The following RC3H1 variants were observed in gnomAD, a reference collection of about 807,000 sequenced individuals.
RC3H1 encodes ring finger and CCCH-type domains 1.
A neutral mutation model predicts 138.2 loss-of-function variants in RC3H1; 50 were observed. The observed-to-expected ratio is 0.36, with a 90% confidence interval of 0.29 to 0.46. The LOEUF is 0.46. Among genes scored for constraint, RC3H1 ranks in the 20% least tolerant of loss-of-function variants. RC3H1 has a pLI of 1.00. For synonymous variants in RC3H1, 462 were observed against 489.1 expected, an observed-to-expected ratio of 0.94 and a Z score of 0.73; for missense variants, 1,031 against 1,388.1, an observed-to-expected ratio of 0.74 and a Z score of 4.09.
intron 2 of RC3H1, among the ~76,000 whole-genome samples, chr1:173,990,590 T>C (rs1417194360): frequency 6.6e-6 from 1 of 150,972 alleles, no homozygotes; most frequent in Non-Finnish European, 1.5e-5. Flanking sequence ...TTTTTTTTTT[T>C]GAGACAGAGT....
At position 173,974,753 on chromosome 1, in the gene RC3H1, C is replaced by T. The variant is rs74916968; in HGVS notation, c.1103-2126G>A. Among the ~76,000 whole-genome samples, 571 of 152,236 alleles carry T rather than the reference C, an allele frequency of 3.8e-3. 4 individuals are homozygous for T. Among genetic ancestry groups the T allele is most frequent in the African/African-American group, 0.013 (555 of 41,538 alleles). ...ATCATGGGAAGGATACTGGGTTTTACTCTGAGTTGATAGAAAGCCACAGGA... is the reference window on the plus strand; with the variant it reads ...ATCATGGGAAGGATACTGGGTTTTATTCTGAGTTGATAGAAAGCCACAGGA... On this transcript the variant is annotated intron_variant, in intron 7 of 19. Coordinates refer to ENST00000367696, the MANE Select transcript of RC3H1 (RefSeq NM_172071.4).
chr1:173,976,358 T>C (rs1660583376), intron 7 of RC3H1, among the ~76,000 whole-genome samples: 1 of 151,708 alleles, frequency 6.6e-6, no homozygotes, highest in South Asian at 2.1e-4. Flanking sequence ...TCCTAGCTAC[T>C]CGGGACAAGA....
chr1:173,992,610 A>G (rs1236865731), intron 2 of RC3H1, 145 bp downstream of exon 2: 1 of 621,140 alleles, frequency 1.6e-6, no homozygotes, highest in Non-Finnish European at 2.8e-6. Flanking sequence ...CTATTTAAAT[A>G]GAAGGCAATG....
In RC3H1 at chr1:173,980,938, C is replaced by A; in HGVS notation, c.840G>T (p.Arg280=). 1.2e-6 allele frequency: 2 copies of A among 1,613,988 alleles called. No homozygotes were observed. The highest frequency in any genetic ancestry group is 1.7e-6 in the Non-Finnish European group (2 of 1,179,902). ...GCACTATCTGGGAGTCATGTTCTCG[C>A]CGCAGAGCTTCATAGGTTCTAAATT... The part of the protein sequence containing the change: ...KEEFRTYEAL[R]REHDSQIVQI... Residue 280 remains arginine (R), a synonymous_variant, in exon 6 of 20, where the codon CGG becomes CGT. Coordinates refer to ENST00000367696, the MANE Select transcript of RC3H1 (RefSeq NM_172071.4).
intron 9 of RC3H1, among the ~76,000 whole-genome samples, chr1:173,968,785 C>T (rs955669680): frequency 6.6e-6 from 1 of 150,904 alleles, no homozygotes; most frequent in African/African-American, 2.4e-5. Context: ...ATTATGTTGG[C>T]TTCTGATTTA....
chr1:173,962,248 T>G (rs1016658382), intron 11 of RC3H1, among the ~76,000 whole-genome samples, 153 bp from the exon 12 acceptor site: 1 of 152,172 alleles, frequency 6.6e-6, no homozygotes, highest in Admixed American at 6.5e-5. Flanking sequence ...TCAGGTTAGC[T>G]TTTTAAAAAA....
chr1:173,974,638 A>G, intron 7 of RC3H1, among the ~76,000 whole-genome samples: 1 of 146,428 alleles, frequency 6.8e-6, no homozygotes, highest in South Asian at 2.1e-4. Context: ...TGGAGGTGGA[A>G]TCAGAGAGGA....
At chr1:174,017,468 T>C (rs751721343) in intron 1 of RC3H1, among the ~76,000 whole-genome samples, 2 of 152,124 alleles carry the variant, frequency 1.3e-5, no homozygotes, top group Non-Finnish European at 2.9e-5. Flanking sequence ...TCCCAAAGTT[T>C]TTTCTGCAAT....
At chr1:173,951,004 C>A (rs1659371114) in intron 14 of RC3H1, among the ~76,000 whole-genome samples, 1 of 151,514 alleles carries the variant, frequency 6.6e-6, no homozygotes, top group Non-Finnish European at 1.5e-5. Context: ...CCCTGGGTGA[C>A]AAAGATCGAT....
rs1204642146 is a variant in RC3H1 at position 173,983,556 on chromosome 1, T to A, written c.454A>T (p.Ile152Phe). The change falls in exon 4 of 20, where the codon ATT (isoleucine) becomes TTT (phenylalanine). Residue 152 changes from isoleucine to phenylalanine, a missense_variant. Transcript: ENST00000367696. ...GATCGAGCTGCCCTCATGGCACGAA[T>A]CCTGCCTTCTTCTTCTACTAGTTGA... ...HCQLVEEEGR[I>F]RAMRAARSLG... 1 of 1,614,226 alleles carries A rather than the reference T, an allele frequency of 6.2e-7. No individual in the cohort carries two copies. The highest frequency in any genetic ancestry group is 1.7e-5 in the Admixed American group (1 of 60,028).
chr1:174,008,468 A>G (rs1016655019), intron 1 of RC3H1, among the ~76,000 whole-genome samples: 62 of 152,114 alleles, frequency 4.1e-4, no homozygotes, highest in Admixed American at 6.6e-5. Flanking sequence ...GAGGAGGGAG[A>G]AGGAGGAAGA....
intron 12 of RC3H1, 127 bp downstream of exon 12, chr1:173,961,597 TA>T (rs911260653): frequency 3.9e-3 from 3,430 of 885,006 alleles, no homozygotes; most frequent in Middle Eastern, 5.1e-3. Context: ...TGAAAAGATT[TA>T]AAAAAAAAAG....
At chr1:173,978,208 C>A (rs141210511) in intron 7 of RC3H1, among the ~76,000 whole-genome samples, 4 of 152,080 alleles carry the variant, frequency 2.6e-5, no homozygotes, top group Non-Finnish European at 5.9e-5. Flanking sequence ...AAATACAACA[C>A]AATTTTGTGA....
intron 9 of RC3H1, among the ~76,000 whole-genome samples, chr1:173,965,915 CG>C (rs1249842502): frequency 1.3e-5 from 2 of 152,086 alleles, no homozygotes; most frequent in Non-Finnish European, 2.9e-5. Context: ...CTGAAGCGGG[CG>C]AATCACTTGA....
Position 173,938,880 on chromosome 1 carries a change from A to G in RC3H1, c.3252-9T>C. 1 of 1,572,040 alleles carries G rather than the reference A, an allele frequency of 6.4e-7. No individual in the cohort carries two copies. On this transcript the variant is annotated splice_polypyrimidine_tract_variant and intron_variant, in intron 19 of 19. Transcript: ENST00000367696. ...ATCCATTTGGTACATCACTGCTGAC[A>G]TTTTAAAATTTTGAAAAAGGAGAGA...
At chr1:173,975,864 C>CTGGA (rs1660555248) in intron 7 of RC3H1, among the ~76,000 whole-genome samples, 1 of 48,350 alleles carries the variant, frequency 2.1e-5, no homozygotes, top group Non-Finnish European at 2.8e-5. Flanking sequence ...CGCCACTGCA[C>CTGGA]TCCAGCCTGG....
chr1:174,019,066 A>G (rs1019889078), intron 1 of RC3H1, among the ~76,000 whole-genome samples: 1 of 152,238 alleles, frequency 6.6e-6, no homozygotes, highest in Non-Finnish European at 1.5e-5. Flanking sequence ...AAATTTATAA[A>G]GTATTTCAAA....
chr1:173,975,522 TATA>T (rs760155865), intron 7 of RC3H1, among the ~76,000 whole-genome samples: 39 of 142,408 alleles, frequency 2.7e-4, no homozygotes, highest in Admixed American at 2.2e-3. Context: ...GGTTGTTAAT[TATA>T]ATATGTCTTC....
At chr1:173,941,223 G>T (rs772689999) in intron 19 of RC3H1, 42 bp downstream of exon 19, 2 of 1,125,460 alleles carry the variant, frequency 1.8e-6, no homozygotes, top group South Asian at 1.3e-5. Context: ...TTTCTCTTTT[G>T]TGTGTAATTT....
Sources: allele counts gnomAD v4.1 joint callset (sites outside exome capture counted in the v4.1 genomes callset), GRCh38; gene constraint gnomAD v4.1.1; transcripts MANE v1.5; gene names NCBI Gene and HGNC (gene_info 2026-07-23, HGNC 2026-07-21).